Variants in SLC4A2 observed in about 807,000 individuals in gnomAD.
SLC4A2 encodes the protein solute carrier family 4 member 2, also known as anion exchange protein 2.
SLC4A2 carries 36 observed loss-of-function variants against 115.0 expected under a neutral mutation model. That is an observed-to-expected ratio of 0.31 (90% CI 0.24 to 0.41). SLC4A2 has a LOEUF of 0.41. Ranked by LOEUF, SLC4A2 falls within the 10% of genes least tolerant of loss-of-function variation. The pLI, the probability that SLC4A2 is intolerant of heterozygous loss-of-function variation, is 1.00. For synonymous variants in SLC4A2, 708 were observed against 708.3 expected, an observed-to-expected ratio of 1.00 and a Z score of 0.01; for missense variants, 1,252 against 1,705.6, an observed-to-expected ratio of 0.73 and a Z score of 4.68.
chr7:151,075,482 C>T lies in SLC4A2; in HGVS notation c.3275C>T (p.Thr1092Met), dbSNP rs370805035. Residue 1092 changes from threonine to methionine, a missense_variant, in exon 20 of 23, where the codon ACG (threonine) becomes ATG (methionine). Coordinates refer to ENST00000413384, the MANE Select transcript of SLC4A2 (RefSeq NM_003040.4). ...CAGGAAGTCAAGGAGCAGCGGGTGACGGGGCTGCTGGTTGCCCTGCTTGTG... is the reference window on the plus strand; with the variant it reads ...CAGGAAGTCAAGGAGCAGCGGGTGATGGGGCTGCTGGTTGCCCTGCTTGTG... ...KIQEVKEQRV[T>M]GLLVALLVGL... The T allele has an allele frequency of 2.5e-6, 4 of 1,600,734 alleles. No homozygotes were observed. The highest frequency in any genetic ancestry group is 3.4e-6 in the Non-Finnish European group (4 of 1,179,666).
At chr7:151,068,242 CG>C (rs1797304325) in intron 8 of SLC4A2, among the ~76,000 whole-genome samples, 188 bp downstream of exon 8, 4 of 152,148 alleles carry the variant, frequency 2.6e-5, no homozygotes, top group African/African-American at 9.7e-5. Context: ...CAACTGAAGC[CG>C]ATGTGTTTTG....
rs1384424291 is a variant in SLC4A2 at position 151,061,914 on chromosome 7, C to T, written c.-63-11C>T. On this transcript the variant is annotated splice_polypyrimidine_tract_variant and intron_variant, in intron 1 of 22. Coordinates refer to ENST00000413384, the MANE Select transcript of SLC4A2 (RefSeq NM_003040.4). ...GGCTCTCGATGGTGATCAGGCCTCT[C>T]CCCCATCCAGGTTATGCCTCCGCCT... 3 of 1,385,342 alleles carry T rather than the reference C, an allele frequency of 2.2e-6. No individual in the cohort carries two copies. Among genetic ancestry groups the T allele is most frequent in the Non-Finnish European group, 3.0e-6 (3 of 991,782 alleles). 85.8% of individuals were successfully genotyped at this position (1,385,342 alleles called of 1,614,324 possible).
intron 16 of SLC4A2, 65 bp downstream of exon 16, chr7:151,072,201 T>C (rs1318992802): frequency 1.2e-5 from 17 of 1,445,194 alleles, no homozygotes; most frequent in Non-Finnish European, 1.6e-5. Context: ...AGGGAGTCTC[T>C]TGGTCCCATC....
At chr7:151,069,571 C>T (rs1797357662) in intron 8 of SLC4A2, among the ~76,000 whole-genome samples, 1 of 152,150 alleles carries the variant, frequency 6.6e-6, no homozygotes, top group South Asian at 2.1e-4. Flanking sequence ...ACCTGGCTCA[C>T]TTAGAGGAGA....
chr7:151,071,435 C>G lies in SLC4A2; in HGVS notation c.2021C>G (p.Pro674Arg), dbSNP rs1797435607. 6.2e-7 allele frequency: 1 copy of G among 1,605,270 alleles called. No individual in the cohort carries two copies. Among genetic ancestry groups the G allele is most frequent in the Non-Finnish European group, 8.5e-7 (1 of 1,179,442 alleles). ...VEAAGAAEDD[P>R]LRRTGRPFGG... ...GCGGCAGGGGCAGCTGAAGATGATC[C>G]CCTTCGGCGGACGGGGCGGCCCTTT... The change falls in exon 14 of 23, where the codon CCC becomes CGC. Residue 674 changes from proline (P) to arginine (R), a missense_variant. Transcript: ENST00000413384. This position sits in a 1 kb window ranked among gnomAD's most constrained non-coding sequence, Gnocchi z 5.5.
At chr7:151,072,714 T>C (rs1797482521) in intron 16 of SLC4A2, among the ~76,000 whole-genome samples, 1 of 151,192 alleles carries the variant, frequency 6.6e-6, no homozygotes, top group Admixed American at 6.6e-5. Context: ...GGAGTGCAGT[T>C]TTGGTGCAAT....
At position 151,066,846 on chromosome 7, in the gene SLC4A2, C is replaced by T. The variant is rs200897917; in HGVS notation, c.824-5C>T. The stretch of plus-strand genomic sequence containing the variant: ...GAGCCCAACCTTGGTCCTCTGCCCC[C>T]ACAGGTCACCGGTTTGAGGACGTTC... On this transcript the variant is annotated splice_polypyrimidine_tract_variant and splice_region_variant and intron_variant, in intron 6 of 22. Transcript: ENST00000413384. 6.2e-7 allele frequency: 1 copy of T among 1,610,620 alleles called. No homozygotes were observed. Among genetic ancestry groups the T allele is most frequent in the East Asian group, 2.2e-5 (1 of 44,794 alleles).
intron 2 of SLC4A2, chr7:151,062,624 T>A (rs1406711152): frequency 6.6e-7 from 1 of 1,520,054 alleles, no homozygotes; most frequent in Non-Finnish European, 8.8e-7. Context: ...CCTTCTCAGG[T>A]TCACCCCTGC....
At chr7:151,075,576 G>T (rs376736754) in intron 20 of SLC4A2, 30 bp from the exon 21 acceptor site, 1 of 1,585,656 alleles carries the variant, frequency 6.3e-7, no homozygotes, top group Non-Finnish European at 8.6e-7. Flanking sequence ...GGGACCCCGG[G>T]GCCAACTCTT....
At chr7:151,067,777 G>T in intron 7 of SLC4A2, 97 bp from the exon 8 acceptor site, 1 of 1,025,056 alleles carries the variant, frequency 9.8e-7, no homozygotes, top group Non-Finnish European at 1.5e-6. Context: ...TGCTCTCCAG[G>T]GTCACTTGGC....
rs1295135173 is a variant in SLC4A2 at position 151,060,878 on chromosome 7, T to C, written c.-63-1047T>C. On this transcript the variant is annotated intron_variant, in intron 1 of 22. Transcript: ENST00000413384. The surrounding 1 kb of genome is among the most constrained non-coding windows in gnomAD (Gnocchi z 5.9). ...ACGCTACACTGACTTGTCTTACTCC[T>C]AAGTCAGGCACCCCCAGTCCCCAGC... Among the ~76,000 whole-genome samples, 2 of 152,152 alleles carry C rather than the reference T, an allele frequency of 1.3e-5. No individual in the cohort carries two copies. Among genetic ancestry groups the C allele is most frequent in the African/African-American group, 4.8e-5 (2 of 41,436 alleles).
intron 8 of SLC4A2, among the ~76,000 whole-genome samples, chr7:151,068,385 C>T (rs13247141): frequency 0.21 from 32,597 of 151,920 alleles, 3,993 homozygotes; most frequent in Admixed American, 0.37. Flanking sequence ...AAATGACCAC[C>T]GACCACAGAT....
Position 151,064,750 on chromosome 7 carries a change from A to G in SLC4A2, c.442A>G (p.Thr148Ala), listed in dbSNP as rs1465961473. The change falls in exon 4 of 23, where the codon ACA (threonine) becomes GCA (alanine). Residue 148 changes from threonine to alanine, a missense_variant. Physicochemically the swap from Thr to Ala is moderately conservative, Grantham distance 58 (BLOSUM62 0). This residue lies in a region of SLC4A2 where 215 missense variants were observed against 205.2 expected (regional missense o/e 1.05). Coordinates refer to ENST00000413384, the MANE Select transcript of SLC4A2 (RefSeq NM_003040.4). ...TCTCACTCAGCCGTCCCCTGTCTCCACACCCTCCTCGGTGCAGGTGCGCTG... is the reference window on the plus strand; with the variant it reads ...TCTCACTCAGCCGTCCCCTGTCTCCGCACCCTCCTCGGTGCAGGTGCGCTG... ...RALTQPSPVS[T>A]PSSVQFFLQE... 1 of 1,609,724 alleles carries G rather than the reference A, an allele frequency of 6.2e-7. No homozygotes were observed. The highest frequency in any genetic ancestry group is 1.7e-5 in the Admixed American group (1 of 59,836).
rs1797440080 is a variant in SLC4A2 at position 151,071,518 on chromosome 7, G to A, written c.2104G>A (p.Asp702Asn). 1 of 1,613,966 alleles carries A rather than the reference G, an allele frequency of 6.2e-7. No homozygotes were observed. ...TCCCCACTACCTGAGTGACTTCCGA[G>A]ATGCACTTGACCCTCAGTGCCTGGC... is the stretch of plus-strand genomic sequence containing the variant. ...RYPHYLSDFR[D>N]ALDPQCLAAV... The change falls in exon 14 of 23, where the codon GAT becomes AAT. Residue 702 changes from aspartate (D) to asparagine (N), a missense_variant. Asp to Asn is a conservative substitution (Grantham distance 23). This residue lies in a region of SLC4A2 where 122 missense variants were observed against 116.8 expected (regional missense o/e 1.04). Coordinates refer to ENST00000413384, the MANE Select transcript of SLC4A2 (RefSeq NM_003040.4). The surrounding 1 kb of genome is among the most constrained non-coding windows in gnomAD (Gnocchi z 5.5).
chr7:151,069,126 G>T (rs1177874912), intron 8 of SLC4A2, among the ~76,000 whole-genome samples: 1 of 32,936 alleles, frequency 3.0e-5, no homozygotes, highest in African/African-American at 9.3e-5. Flanking sequence ...ACGACAGAGC[G>T]AGACTCTTAT....
intron 19 of SLC4A2, 136 bp downstream of exon 19, chr7:151,074,977 T>C (rs1228857926): frequency 3.1e-5 from 30 of 967,628 alleles, no homozygotes; most frequent in Non-Finnish European, 4.1e-5. Flanking sequence ...GGCCACAGTT[T>C]ATTCTGTAGA....
chr7:151,060,594 G>A lies in SLC4A2; in HGVS notation c.-64+832G>A, dbSNP rs1287737273. ...CTGCTTTGTGTTCTGGGACAGCAGGGGAGGGGGTGCAGAGGAGTGTGGAGG... is the reference window on the plus strand; with the variant it reads ...CTGCTTTGTGTTCTGGGACAGCAGGAGAGGGGGTGCAGAGGAGTGTGGAGG... On this transcript the variant is annotated intron_variant, in intron 1 of 22. Transcript: ENST00000413384. The surrounding 1 kb of genome is among the most constrained non-coding windows in gnomAD (Gnocchi z 5.9). 2.0e-5 allele frequency among the ~76,000 whole-genome samples: 3 copies of A among 152,198 alleles called. No homozygotes were observed. Among genetic ancestry groups the A allele is most frequent in the African/African-American group, 7.2e-5 (3 of 41,432 alleles).
At chr7:151,066,106 G>A (rs570495353) in intron 5 of SLC4A2, among the ~76,000 whole-genome samples, 72 of 152,322 alleles carry the variant, frequency 4.7e-4, no homozygotes, top group Non-Finnish European at 9.6e-4. Flanking sequence ...GTGCCAGGGG[G>A]TGAGGGGGCA....
intron 5 of SLC4A2, among the ~76,000 whole-genome samples, chr7:151,066,169 C>T (rs34058458): frequency 0.015 from 2,230 of 152,304 alleles, 57 homozygotes; most frequent in African/African-American, 0.05. Context: ...CTTTTCTGCA[C>T]CAGGACCTGC....
Sources: gnomAD v4.1 joint callset for allele counts (sites outside exome capture counted in the v4.1 genomes callset) on GRCh38, gnomAD v4.1.1 for gene constraint, gnomAD v4.1.1 regional missense constraint, Gnocchi (gnomAD v3.1) non-coding constraint, MANE v1.5 for transcripts, NCBI Gene and HGNC (gene_info 2026-07-23, HGNC 2026-07-21) for gene names.